Variants in LMOD1 observed in about 807,000 individuals in gnomAD.
The protein encoded by LMOD1 is leiomodin 1.
LMOD1 carries 8 observed loss-of-function variants against 36.5 expected under a neutral mutation model. The observed-to-expected ratio is 0.22, with a 90% CI of 0.13 to 0.40. The LOEUF is 0.40. Among genes scored for constraint, LMOD1 ranks in the 10% least tolerant of loss-of-function variants. LMOD1 has a pLI of 1.00. For missense variants in LMOD1, 630 were observed against 751.1 expected (o/e 0.84, Z 1.88); for synonymous variants, 284 against 288.7 (o/e 0.98, Z 0.17).
At chr1:201,918,415 C>T (rs556532769) in intron 1 of LMOD1, among the ~76,000 whole-genome samples, 1 of 152,320 alleles carries the variant, frequency 6.6e-6, no homozygotes, top group Admixed American at 6.5e-5. Context: ...GGCTCCCATG[C>T]TTTCAGGATG....
intron 1 of LMOD1, among the ~76,000 whole-genome samples, chr1:201,936,096 C>CAAAAAAAAAAAAAAAAAA (rs61077548): frequency 1.4e-5 from 1 of 73,096 alleles, no homozygotes; most frequent in Non-Finnish European, 2.9e-5. Context: ...GACCTTGTCT[C>CAAAAAAAAAAAAAAAAAA]AAAAAAAAAA....
intron 1 of LMOD1, among the ~76,000 whole-genome samples, chr1:201,943,701 T>C (rs900159675): frequency 6.6e-6 from 1 of 152,158 alleles, no homozygotes; most frequent in Non-Finnish European, 1.5e-5. Context: ...TCAGATGAAG[T>C]AATAATTTCA....
In LMOD1 at chr1:201,896,942, G is replaced by A. The variant is rs1416806603; in HGVS notation, c.*1430C>T. ...AAACTGCTGTGCCTCCTGCTGTTGA[G>A]GCAACCTGGAGGCAGAGAAACCTAC... On this transcript the variant is annotated 3_prime_UTR_variant, in exon 3 of 3. Transcript: ENST00000367288. 5 of 349,892 alleles carry A rather than the reference G, an allele frequency of 1.4e-5. No individual in the cohort carries two copies. The highest frequency in any genetic ancestry group is 2.8e-5 in the Non-Finnish European group (5 of 175,666). 21.7% of individuals were successfully genotyped at this position (349,892 alleles called of 1,614,324 possible).
In LMOD1 at chr1:201,899,844, G is replaced by A. The variant is rs757499520; in HGVS notation, c.1169C>T (p.Thr390Ile). Reference sequence around the variant, plus strand: ...GTGGTTGGAGTCCAGGTTGAGGCTGGTGATGGTCTTGTTGGCCTTGAGCAT... The same window carrying A: ...GTGGTTGGAGTCCAGGTTGAGGCTGATGATGGTCTTGTTGGCCTTGAGCAT... ...AIMLKANKTITSLNLDSNHIT... is the reference protein window; with the variant it reads ...AIMLKANKTIISLNLDSNHIT... The change falls in exon 2 of 3, where the codon ACC becomes ATC. Residue 390 changes from threonine (T) to isoleucine (I), a missense_variant. Transcript: ENST00000367288. This position sits in a 1 kb window ranked among gnomAD's most constrained non-coding sequence, Gnocchi z 6.3. 6.2e-7 allele frequency: 1 copy of A among 1,614,038 alleles called. No homozygotes were observed. The highest frequency in any genetic ancestry group is 2.2e-5 in the East Asian group (1 of 44,880).
chr1:201,945,986 G>A (rs1682204442), intron 1 of LMOD1, 94 bp downstream of exon 1: 1 of 1,283,540 alleles, frequency 7.8e-7, no homozygotes, highest in Non-Finnish European at 1.1e-6. Flanking sequence ...CAACAAGAAC[G>A]TTTCTTCTAA....
chr1:201,944,704 G>C (rs1462065332), intron 1 of LMOD1, among the ~76,000 whole-genome samples: 1 of 142,436 alleles, frequency 7.0e-6, no homozygotes, highest in Non-Finnish European at 1.5e-5. Flanking sequence ...CCCTCTTCTT[G>C]GCAAAGGCTT....
chr1:201,918,201 C>T (rs12068467), intron 1 of LMOD1, among the ~76,000 whole-genome samples: 1,880 of 152,258 alleles, frequency 0.012, 40 homozygotes, highest in African/African-American at 0.041. Flanking sequence ...TCAGCCTTGA[C>T]GCTTCCTTTT....
chr1:201,910,539 C>T (rs1681477681), intron 1 of LMOD1, among the ~76,000 whole-genome samples: 1 of 152,088 alleles, frequency 6.6e-6, no homozygotes, highest in Admixed American at 6.6e-5. Flanking sequence ...CTGCCTCAGC[C>T]TCCCAAAGTG....
intron 1 of LMOD1, among the ~76,000 whole-genome samples, chr1:201,928,782 C>T (rs1474893159): frequency 6.6e-6 from 1 of 152,194 alleles, no homozygotes; most frequent in African/African-American, 2.4e-5. Flanking sequence ...GTGGCGTGAT[C>T]TCGGCTCACT....
chr1:201,931,764 C>A (rs1392476764), intron 1 of LMOD1, among the ~76,000 whole-genome samples: 1 of 151,196 alleles, frequency 6.6e-6, no homozygotes. Flanking sequence ...TGGCTGGGCA[C>A]GGTGGGACAT....
chr1:201,921,434 G>A (rs999566068), intron 1 of LMOD1, among the ~76,000 whole-genome samples: 1 of 147,144 alleles, frequency 6.8e-6, no homozygotes, highest in Admixed American at 7.0e-5. Context: ...GTTGCAGTGA[G>A]CTGAGATTGC....
intron 1 of LMOD1, among the ~76,000 whole-genome samples, chr1:201,912,048 G>T (rs1040944247): frequency 6.6e-6 from 1 of 152,184 alleles, no homozygotes; most frequent in African/African-American, 2.4e-5. Flanking sequence ...AGCCCTTCCA[G>T]TCTGCTAATG....
chr1:201,922,107 A>T (rs1424240261), intron 1 of LMOD1, among the ~76,000 whole-genome samples: 1 of 152,242 alleles, frequency 6.6e-6, no homozygotes, highest in Non-Finnish European at 1.5e-5. Flanking sequence ...GTGGACAAGG[A>T]TGTGGAGAAA....
rs1160409892 is a variant in LMOD1, at chr1:201,924,509, CAAGGAAGGAGGGAGGAAGGGAAGGAAGG to C, written c.261+21543_261+21570del. Among the ~76,000 whole-genome samples, 199 of 38,154 alleles carry C rather than the reference CAAGGAAGGAGGGAGGAAGGGAAGGAAGG, an allele frequency of 5.2e-3. 1 individual carries two copies. Among genetic ancestry groups the C allele is most frequent in the African/African-American group, 0.021 (184 of 8,708 alleles). 25.0% of individuals were successfully genotyped at this position (38,154 alleles called of 152,430 possible). A position where few individuals can be genotyped will look rare whatever the true frequency, so the allele number is the denominator to read the frequency against. On this transcript the variant is annotated intron_variant, in intron 1 of 2. Transcript: ENST00000367288. ...GGAAGGAGGGAGGGAGGGAAGGAAG[CAAGGAAGGAGGGAGGAAGGGAAGGAAGG>C]AAGGAAGGAAGCAAGGAAGGAGGGA...
intron 1 of LMOD1, among the ~76,000 whole-genome samples, chr1:201,907,227 C>T (rs1681426453): frequency 6.6e-6 from 1 of 152,230 alleles, no homozygotes; most frequent in South Asian, 2.1e-4. Context: ...GCTCTGTGAC[C>T]TTGGCTGAGA....
At chr1:201,909,511 C>T (rs1681458611) in intron 1 of LMOD1, among the ~76,000 whole-genome samples, 1 of 152,202 alleles carries the variant, frequency 6.6e-6, no homozygotes, top group Non-Finnish European at 1.5e-5. Context: ...CTCTCAAGTC[C>T]TGGGATTACA....
chr1:201,925,045 G>T (rs1463860923), intron 1 of LMOD1, among the ~76,000 whole-genome samples: 1 of 151,968 alleles, frequency 6.6e-6, no homozygotes, highest in Non-Finnish European at 1.5e-5. Flanking sequence ...GTGAAACGCT[G>T]TCTCTACTAA....
At position 201,927,060 on chromosome 1, in the gene LMOD1, G is replaced by C. The variant is rs1032240121; in HGVS notation, c.261+19020C>G. ...TTCCCACGTTTTGCATACTGTCTATGATGAGCCTTATTACATTATAAGCAT... is the reference window on the plus strand; with the variant it reads ...TTCCCACGTTTTGCATACTGTCTATCATGAGCCTTATTACATTATAAGCAT... On this transcript the variant is annotated intron_variant, in intron 1 of 2. Transcript: ENST00000367288. Among the ~76,000 whole-genome samples, 76 of 152,120 alleles carry C rather than the reference G, an allele frequency of 5.0e-4. 1 individual carries two copies. Among genetic ancestry groups the C allele is most frequent in the African/African-American group, 1.8e-3 (74 of 41,418 alleles).
In LMOD1 at chr1:201,901,570, A is replaced by G. The variant is rs866151399; in HGVS notation, c.262-819T>C. 4.3e-4 allele frequency among the ~76,000 whole-genome samples: 7 copies of G among 16,190 alleles called. 1 individual carries two copies. Among genetic ancestry groups the G allele is most frequent in the African/African-American group, 1.1e-3 (6 of 5,462 alleles). The allele number at this position is 16,190 out of a possible 152,430, so 10.6% of individuals were successfully genotyped here. ...TATATATACATATATATATGTATAT[A>G]TATATATATATATACATATATATAT... On this transcript the variant is annotated intron_variant, in intron 1 of 2. Coordinates refer to ENST00000367288, the MANE Select transcript of LMOD1 (RefSeq NM_012134.3).
Sources: allele counts gnomAD v4.1 joint callset (sites outside exome capture counted in the v4.1 genomes callset), GRCh38; gene constraint gnomAD v4.1.1; non-coding constraint Gnocchi (gnomAD v3.1); transcripts MANE v1.5; gene names NCBI Gene and HGNC (gene_info 2026-07-23, HGNC 2026-07-21).